Variants in ANKRD55 observed in about 807,000 individuals in gnomAD.
ANKRD55 encodes ankyrin repeat domain 55, also known as ankyrin repeat domain-containing protein 55.
A neutral mutation model predicts 60.6 loss-of-function variants in ANKRD55; 41 were observed. The ratio of observed to expected loss-of-function variants is 0.68; its 90% CI spans 0.53 to 0.88. The LOEUF (loss-of-function observed/expected upper bound fraction) is 0.88. Among genes scored for constraint, ANKRD55 ranks in the 40% least tolerant of loss-of-function variants. ANKRD55 has a pLI of 0.00. For synonymous variants in ANKRD55, 264 were observed against 290.3 expected (o/e 0.91, Z 0.92); for missense variants, 732 against 767.6 (o/e 0.95, Z 0.55).
chr5:56,147,884 T>G (rs1319021390), intron 6 of ANKRD55, among the ~76,000 whole-genome samples: 1 of 152,188 alleles, frequency 6.6e-6, no homozygotes, highest in Non-Finnish European at 1.5e-5. Flanking sequence ...TTCTCCTTTC[T>G]TCTTCTTCTT....
chr5:56,166,170 C>CTTCT (rs1758473027), intron 5 of ANKRD55, among the ~76,000 whole-genome samples: 1 of 101,440 alleles, frequency 9.9e-6, no homozygotes, highest in African/African-American at 5.8e-5. Flanking sequence ...TCCTTCCTTC[C>CTTCT]TTCCTTCCTT....
chr5:56,166,155 TTCTTTCC>T (rs1307590224), intron 5 of ANKRD55, among the ~76,000 whole-genome samples: 9 of 50,470 alleles, frequency 1.8e-4, no homozygotes, highest in African/African-American at 9.1e-4. Context: ...TCTTTCTTTC[TTCTTTCC>T]TTCCTTCCTT....
intron 5 of ANKRD55, chr5:56,161,049 C>A (rs965914975): frequency 2.0e-5 from 3 of 152,164 alleles, no homozygotes; most frequent in Admixed American, 2.0e-4. Context: ...AATATGCATA[C>A]AACATATAGA....
intron 3 of ANKRD55, among the ~76,000 whole-genome samples, chr5:56,177,811 A>C (rs551273351): frequency 6.6e-6 from 1 of 152,064 alleles, no homozygotes; most frequent in Admixed American, 6.5e-5. Context: ...CAAAAACAGA[A>C]TCCCTAGATA....
Position 56,100,167 on chromosome 5 carries a change from A to T in ANKRD55, c.*16T>A, listed in dbSNP as rs750275221. 2.5e-6 allele frequency: 4 copies of T among 1,614,152 alleles called. 1 individual carries two copies. The highest frequency in any genetic ancestry group is 3.3e-5 in the Admixed American group (2 of 60,012). Reference sequence around the variant, plus strand: ...AATACATATTCATCTACATTTCTGCAGCGAGTGGCCCACAGTTAATTTTCA... The same window carrying T: ...AATACATATTCATCTACATTTCTGCTGCGAGTGGCCCACAGTTAATTTTCA... On this transcript the variant is annotated 3_prime_UTR_variant, in exon 12 of 12. Coordinates refer to ENST00000341048, the MANE Select transcript of ANKRD55 (RefSeq NM_024669.3).
chr5:56,207,797 A>G (rs1361226646), intron 2 of ANKRD55, among the ~76,000 whole-genome samples: 2 of 152,234 alleles, frequency 1.3e-5, no homozygotes, highest in Admixed American at 1.3e-4. Context: ...GGCCTAGGAC[A>G]TTACTGTGCA....
chr5:56,190,875 A>G (rs1275255768), intron 2 of ANKRD55, among the ~76,000 whole-genome samples: 1 of 152,244 alleles, frequency 6.6e-6, no homozygotes, highest in Non-Finnish European at 1.5e-5. Flanking sequence ...TCGTGCTCCA[A>G]TCACCTCTAA....
intron 2 of ANKRD55, among the ~76,000 whole-genome samples, chr5:56,230,537 A>G (rs374916284): frequency 1.1e-3 from 169 of 152,328 alleles, no homozygotes; most frequent in Admixed American, 3.2e-3. Flanking sequence ...CGATTCATGA[A>G]AAACCCTCAA....
intron 6 of ANKRD55, among the ~76,000 whole-genome samples, chr5:56,144,434 G>A (rs1281275792): frequency 6.6e-6 from 1 of 152,164 alleles, no homozygotes; most frequent in Non-Finnish European, 1.5e-5. Flanking sequence ...GGGCAGGGGT[G>A]CTGTCTGTTT....
At chr5:56,184,003 C>T (rs141999889) in intron 2 of ANKRD55, among the ~76,000 whole-genome samples, 143 of 152,322 alleles carry the variant, frequency 9.4e-4, no homozygotes, top group African/African-American at 3.2e-3. Flanking sequence ...CCTTGTCCTC[C>T]CAATAACTCA....
Position 56,200,819 on chromosome 5 carries a change from A to G in ANKRD55, c.59-17185T>C, listed in dbSNP as rs771387936. 2.9e-4 allele frequency among the ~76,000 whole-genome samples: 44 copies of G among 152,258 alleles called. 1 individual carries two copies. Among genetic ancestry groups the G allele is most frequent in the South Asian group, 6.2e-4 (3 of 4,826 alleles). On this transcript the variant is annotated intron_variant, in intron 2 of 11. Transcript: ENST00000341048. ...GGGGAGGCTTTCTTTGGTTTATTCT[A>G]TTCTGAGGATTCTTGGGTGACTAAA...
rs117553202 is a variant in ANKRD55 at position 56,173,098 on chromosome 5, A to G, written c.313-2295T>C. Among the ~76,000 whole-genome samples, 32 of 152,282 alleles carry G rather than the reference A, an allele frequency of 2.1e-4. 1 individual carries two copies. The East Asian group carries it at 6.2e-3, about 29-fold the overall frequency. On this transcript the variant is annotated intron_variant, in intron 4 of 11. Coordinates refer to ENST00000341048, the MANE Select transcript of ANKRD55 (RefSeq NM_024669.3). ...CCAATGAACTTTCTGGAAAAACAAT[A>G]TGTAACATTTCTCCTTCTAATAAAA...
At chr5:56,232,999 G>A (rs1581038279) in intron 1 of ANKRD55, 53 bp from the exon 2 acceptor site, 73 of 1,293,280 alleles carry the variant, frequency 5.6e-5, no homozygotes, top group Non-Finnish European at 7.9e-5. Flanking sequence ...GACAGTCAGA[G>A]GCAGCATCGT....
chr5:56,118,847 C>T (rs1756955642), intron 8 of ANKRD55, among the ~76,000 whole-genome samples: 1 of 151,950 alleles, frequency 6.6e-6, no homozygotes, highest in South Asian at 2.1e-4. Context: ...CCAATACACA[C>T]CTATGAAGAT....
chr5:56,214,742 T>A (rs1214091307), intron 2 of ANKRD55, among the ~76,000 whole-genome samples: 1 of 152,232 alleles, frequency 6.6e-6, no homozygotes, highest in Non-Finnish European at 1.5e-5. Context: ...AAGGGACTGC[T>A]ATTCTAAGAT....
At chr5:56,191,895 A>T (rs1407786374) in intron 2 of ANKRD55, among the ~76,000 whole-genome samples, 1 of 152,268 alleles carries the variant, frequency 6.6e-6, no homozygotes, top group Non-Finnish European at 1.5e-5. Context: ...ATAATTGGGC[A>T]CAAACTTAGA....
rs1561264606 is a variant in ANKRD55, at chr5:56,136,078, T to TCTA, written c.612+7722_612+7723insTAG. Reference sequence around the variant, plus strand: ...CAAAGAACTAAATAAATGGAGATCTTCATATGGTAAGGGTAAGAGCAAAAT... The same window carrying TCTA: ...CAAAGAACTAAATAAATGGAGATCTTCTACATATGGTAAGGGTAAGAGCAAAAT... On this transcript the variant is annotated intron_variant, in intron 7 of 11. Coordinates refer to ENST00000341048, the MANE Select transcript of ANKRD55 (RefSeq NM_024669.3). Among the ~76,000 whole-genome samples the TCTA allele has an allele frequency of 2.2e-4, 34 of 151,842 alleles. 1 individual carries two copies. Among genetic ancestry groups the TCTA allele is most frequent in the Admixed American group, 1.6e-3 (25 of 15,268 alleles).
intron 3 of ANKRD55, among the ~76,000 whole-genome samples, chr5:56,181,550 C>T (rs538242295): frequency 4.6e-5 from 7 of 152,288 alleles, no homozygotes; most frequent in African/African-American, 1.7e-4. Context: ...ACAGCCCTAA[C>T]ATCCCTAAAA....
At chr5:56,104,315 C>G (rs1311681015) in intron 10 of ANKRD55, among the ~76,000 whole-genome samples, 1 of 152,110 alleles carries the variant, frequency 6.6e-6, no homozygotes, top group Non-Finnish European at 1.5e-5. Context: ...TAAAAGTGCT[C>G]AAGTCACACG....
Sources: gnomAD v4.1 joint callset for allele counts (sites outside exome capture counted in the v4.1 genomes callset) on GRCh38, gnomAD v4.1.1 for gene constraint, MANE v1.5 for transcripts, NCBI Gene and HGNC (gene_info 2026-07-23, HGNC 2026-07-21) for gene names.